Variants in SI observed in about 807,000 individuals in gnomAD.
The protein encoded by SI is sucrase-isomaltase, intestinal.
SI carries 235 observed loss-of-function variants against 253.3 expected under a neutral mutation model. That is an observed-to-expected ratio of 0.93 (90% confidence interval 0.83 to 1.03). The LOEUF is 1.03. Ranked by LOEUF, SI falls within the 50% of genes least tolerant of loss-of-function variation. The pLI, the probability that SI is intolerant of heterozygous loss-of-function variation, is 0.00. For synonymous variants in SI, 819 were observed against 712.0 expected (o/e 1.15, Z -2.39); for missense variants, 2,442 against 2,211.1 (o/e 1.10, Z -2.09).
intron 24 of SI, among the ~76,000 whole-genome samples, chr3:165,031,485 A>G (rs963803149): frequency 2.0e-5 from 3 of 149,704 alleles, no homozygotes; most frequent in African/African-American, 4.9e-5. Flanking sequence ...TAGAGTCATA[A>G]AGTTCACAAT....
intron 45 of SI, among the ~76,000 whole-genome samples, chr3:164,986,711 G>A (rs1576866997): frequency 6.6e-6 from 1 of 152,140 alleles, no homozygotes; most frequent in East Asian, 1.9e-4. Context: ...TGTTGGCTGT[G>A]ACCCTTATGA....
At chr3:165,073,048 G>A (rs947855824) in intron 3 of SI, among the ~76,000 whole-genome samples, 14 of 152,068 alleles carry the variant, frequency 9.2e-5, no homozygotes, top group African/African-American at 3.4e-4. Context: ...AGTTTAGGTT[G>A]ACACTAAAGA....
intron 22 of SI, among the ~76,000 whole-genome samples, chr3:165,035,068 T>A (rs1435701435): frequency 6.6e-6 from 1 of 151,954 alleles, no homozygotes; most frequent in Non-Finnish European, 1.5e-5. Context: ...AGCAATGAAG[T>A]TACCATCAAC....
At position 165,063,481 on chromosome 3, in the gene SI, T is replaced by C; in HGVS notation, c.868A>G (p.Lys290Glu). 1 of 1,563,716 alleles carries C rather than the reference T, an allele frequency of 6.4e-7. No homozygotes were observed. Among genetic ancestry groups the C allele is most frequent in the Non-Finnish European group, 8.8e-7 (1 of 1,136,618 alleles). The change falls in exon 8 of 48, where the codon AAG (lysine) becomes GAG (glutamate). Residue 290 changes from lysine (K) to glutamate (E), a missense_variant. Coordinates refer to ENST00000264382, the MANE Select transcript of SI (RefSeq NM_001041.4). ...FFMCIEDTSG[K>E]SFGVFLMNSN... ...TTCATTAAAAAAACACCGAATGACT[T>C]TCCAGATGTATCTTCAATACACATA...
intron 1 of SI, 54 bp from the exon 2 acceptor site, chr3:165,076,066 A>G (rs1714953454): frequency 1.7e-6 from 2 of 1,209,222 alleles, no homozygotes; most frequent in Non-Finnish European, 2.3e-6. Context: ...ACTATAATAA[A>G]CCACCAACAA....
chr3:165,073,147 A>C (rs1205022579), intron 3 of SI, among the ~76,000 whole-genome samples: 1 of 149,478 alleles, frequency 6.7e-6, no homozygotes, highest in African/African-American at 2.5e-5. Context: ...TCCTAATAGA[A>C]TTCTATGTTT....
In SI at chr3:165,038,025, CTAA is replaced by C; in HGVS notation, c.2302-4_2302-2del. 6 of 1,580,660 alleles carry C rather than the reference CTAA, an allele frequency of 3.8e-6. No individual in the cohort carries two copies. Among genetic ancestry groups the C allele is most frequent in the Non-Finnish European group, 5.2e-6 (6 of 1,150,560 alleles). ...GTTTCCTCCATGGCCTTTTTGCACC[CTAA>C]TAATTGGAAGATTAAAAACATTCTT... On this transcript the variant is annotated splice_acceptor_variant and splice_polypyrimidine_tract_variant and intron_variant, in intron 20 of 47. Coordinates refer to ENST00000264382, the MANE Select transcript of SI (RefSeq NM_001041.4). LOFTEE classifies it high-confidence loss of function.
chr3:165,004,217 A>G (rs149078270), intron 37 of SI, among the ~76,000 whole-genome samples: 16 of 152,310 alleles, frequency 1.1e-4, no homozygotes, highest in African/African-American at 2.9e-4. Flanking sequence ...ATCATCGATC[A>G]TCAGAGAAAT....
At chr3:164,983,371 T>C (rs1717288647) in intron 45 of SI, among the ~76,000 whole-genome samples, 1 of 152,084 alleles carries the variant, frequency 6.6e-6, no homozygotes, top group Admixed American at 6.6e-5. Context: ...GCACAAGTAA[T>C]GCAAGAATAA....
the SI span, among the ~76,000 whole-genome samples, chr3:165,088,147 AC>A: frequency 6.6e-6 from 1 of 151,438 alleles, no homozygotes; most frequent in Non-Finnish European, 1.5e-5. Context: ...GGAGTTCAAG[AC>A]CCCCCTGGAG....
Position 165,013,053 on chromosome 3 carries a change from C to T in SI, c.4000-11G>A. ...CAAATCTGGCCAAACCTACAAGAGA[C>T]AAGACATGGAAAAGCTGATCAAAAC... On this transcript the variant is annotated splice_polypyrimidine_tract_variant and intron_variant, in intron 33 of 47. Coordinates refer to ENST00000264382, the MANE Select transcript of SI (RefSeq NM_001041.4). 1.3e-6 allele frequency: 2 copies of T among 1,575,756 alleles called. No homozygotes were observed. The highest frequency in any genetic ancestry group is 2.7e-5 in the African/African-American group (2 of 74,276).
intron 31 of SI, 133 bp from the exon 32 acceptor site, chr3:165,016,213 A>G (rs1719019661): frequency 1.3e-6 from 1 of 784,602 alleles, no homozygotes; most frequent in Admixed American, 1.9e-5. Context: ...AAAAAGAATT[A>G]AATGGTTTAG....
At chr3:165,013,184 T>C in intron 33 of SI, 142 bp from the exon 34 acceptor site, 1 of 716,556 alleles carries the variant, frequency 1.4e-6, no homozygotes, top group Admixed American at 2.0e-5. Context: ...AATCTCATTA[T>C]TATTGACACA....
intron 21 of SI, among the ~76,000 whole-genome samples, 180 bp downstream of exon 21, chr3:165,037,720 A>G (rs1712599960): frequency 1.3e-5 from 2 of 151,852 alleles, no homozygotes; most frequent in Non-Finnish European, 1.5e-5. Flanking sequence ...CAAGATATTT[A>G]TAATAATATA....
intron 37 of SI, among the ~76,000 whole-genome samples, chr3:164,999,472 A>T (rs1287231609): frequency 1.3e-5 from 2 of 151,716 alleles, no homozygotes; most frequent in Non-Finnish European, 3.0e-5. Flanking sequence ...TGGAAATAAA[A>T]ATTTTATTTT....
At chr3:164,987,617 G>A (rs1488946826) in intron 44 of SI, among the ~76,000 whole-genome samples, 1 of 152,000 alleles carries the variant, frequency 6.6e-6, no homozygotes, top group Non-Finnish European at 1.5e-5. Flanking sequence ...GCTGAGGCAG[G>A]GCAATTGCTT....
intron 40 of SI, among the ~76,000 whole-genome samples, chr3:164,996,214 T>C (rs1350404125): frequency 6.6e-6 from 1 of 151,754 alleles, no homozygotes; most frequent in Non-Finnish European, 1.5e-5. Context: ...AGCACATCTT[T>C]TAAAGGCCAG....
chr3:164,996,121 T>C (rs1717996882), intron 40 of SI, among the ~76,000 whole-genome samples: 1 of 151,776 alleles, frequency 6.6e-6, no homozygotes, highest in Non-Finnish European at 1.5e-5. Flanking sequence ...TCCTACTCTC[T>C]ATTTCTACCC....
At chr3:165,020,817 C>T (rs920980104) in intron 27 of SI, among the ~76,000 whole-genome samples, 1 of 151,480 alleles carries the variant, frequency 6.6e-6, no homozygotes, top group African/African-American at 2.4e-5. Context: ...TTCACTAATA[C>T]CTGGCAGATA....
Sources: gnomAD v4.1 joint callset for allele counts (sites outside exome capture counted in the v4.1 genomes callset) on GRCh38, gnomAD v4.1.1 for gene constraint, MANE v1.5 for transcripts, NCBI Gene and HGNC (gene_info 2026-07-23, HGNC 2026-07-21) for gene names.